The following KCNMB4 variants were observed in gnomAD, a reference collection of about 807,000 sequenced individuals.
KCNMB4 encodes potassium calcium-activated channel subfamily M regulatory beta subunit 4.
In KCNMB4, 3 loss-of-function variants were observed where a neutral mutation model predicts 20.7. That is an observed-to-expected ratio of 0.14 (90% CI 0.07 to 0.37). The LOEUF (loss-of-function observed/expected upper bound fraction) is 0.37, where lower values mean the gene tolerates loss of function less well. Ranked by LOEUF, KCNMB4 falls within the 10% of genes least tolerant of loss-of-function variation. The pLI, the probability that KCNMB4 is intolerant of heterozygous loss-of-function variation, is 1.00. For missense variants in KCNMB4, 168 were observed against 265.9 expected (o/e 0.63, Z 2.56); for synonymous variants, 110 against 113.4 (o/e 0.97, Z 0.19).
chr12:70,410,477 C>T (rs1162061723), intron 2 of KCNMB4, among the ~76,000 whole-genome samples: 1 of 152,186 alleles, frequency 6.6e-6, no homozygotes, highest in African/African-American at 2.4e-5. Context: ...AGTCATGTGA[C>T]ATCAAGCATC....
intron 1 of KCNMB4, among the ~76,000 whole-genome samples, chr12:70,385,037 C>T (rs1883864583): frequency 6.6e-6 from 1 of 151,950 alleles, no homozygotes; most frequent in Admixed American, 6.6e-5. Context: ...TATAATGTTC[C>T]AAGCAGATAT....
At chr12:70,422,962 T>A (rs1019849334) in intron 2 of KCNMB4, 1 of 495,246 alleles carries the variant, frequency 2.0e-6, no homozygotes. Flanking sequence ...CTGGGCTGCA[T>A]CTGAAGGGAC....
chr12:70,407,589 T>C (rs1593339992), intron 2 of KCNMB4, among the ~76,000 whole-genome samples: 1 of 143,646 alleles, frequency 7.0e-6, no homozygotes, highest in Admixed American at 7.2e-5. Context: ...TGCCTCAGCC[T>C]CCCGAGTAGC....
chr12:70,383,300 G>A (rs1883827147), intron 1 of KCNMB4, among the ~76,000 whole-genome samples: 1 of 152,008 alleles, frequency 6.6e-6, no homozygotes, highest in Non-Finnish European at 1.5e-5. Flanking sequence ...TAAAGCTAAG[G>A]GGAAAAAAGA....
intron 2 of KCNMB4, among the ~76,000 whole-genome samples, chr12:70,421,353 G>A (rs117086999): frequency 0.019 from 2,878 of 150,488 alleles, 45 homozygotes; most frequent in Non-Finnish European, 0.027. Context: ...TTAGCTGAGC[G>A]TGATGGTGGG....
chr12:70,416,555 TTTAA>T (rs1214941585), intron 2 of KCNMB4, among the ~76,000 whole-genome samples: 6 of 152,236 alleles, frequency 3.9e-5, no homozygotes, highest in Non-Finnish European at 5.9e-5. Flanking sequence ...AAGTCACCAC[TTTAA>T]TTGTTATGCA....
chr12:70,428,617 T>G (rs1391100188), intron 2 of KCNMB4, among the ~76,000 whole-genome samples: 1 of 152,182 alleles, frequency 6.6e-6, no homozygotes, highest in Non-Finnish European at 1.5e-5. Flanking sequence ...ACCTCAGCCT[T>G]GACTTTTTTA....
At chr12:70,393,652 A>G (rs1250679745) in intron 1 of KCNMB4, among the ~76,000 whole-genome samples, 4 of 152,230 alleles carry the variant, frequency 2.6e-5, no homozygotes, top group Non-Finnish European at 4.4e-5. Context: ...AAATCCAGAT[A>G]TCATATCAAC....
At chr12:70,423,743 G>A (rs1869132907) in intron 2 of KCNMB4, among the ~76,000 whole-genome samples, 1 of 152,120 alleles carries the variant, frequency 6.6e-6, no homozygotes, top group Admixed American at 6.5e-5. Context: ...CCAAAGTGCT[G>A]GGATTACAGG....
chr12:70,388,753 CT>C (rs1868277064), intron 1 of KCNMB4, among the ~76,000 whole-genome samples: 2 of 152,116 alleles, frequency 1.3e-5, no homozygotes, highest in South Asian at 4.1e-4. Flanking sequence ...AGCCTGTCTC[CT>C]TGGGTTATGA....
intron 1 of KCNMB4, among the ~76,000 whole-genome samples, chr12:70,389,400 T>A (rs552518021): frequency 3.6e-4 from 55 of 152,250 alleles, no homozygotes; most frequent in African/African-American, 1.3e-3. Flanking sequence ...TCATTCTTTT[T>A]AAAAATTTCT....
chr12:70,398,981 A>G (rs1868388366), intron 1 of KCNMB4, among the ~76,000 whole-genome samples: 1 of 152,190 alleles, frequency 6.6e-6, no homozygotes, highest in Admixed American at 6.5e-5. Context: ...AATAAAGGAG[A>G]TTTAGGAACA....
At chr12:70,413,264 G>A (rs895527387) in intron 2 of KCNMB4, among the ~76,000 whole-genome samples, 4 of 152,204 alleles carry the variant, frequency 2.6e-5, no homozygotes, top group Non-Finnish European at 5.9e-5. Flanking sequence ...TTTCATGCTT[G>A]CAAATTCATC....
chr12:70,405,022 G>A (rs181053329), intron 2 of KCNMB4, among the ~76,000 whole-genome samples: 366 of 152,294 alleles, frequency 2.4e-3, no homozygotes, highest in African/African-American at 8.4e-3. Flanking sequence ...GCCAGAGGGT[G>A]AAAGGAAAAT....
At chr12:70,367,145 G>T in intron 1 of KCNMB4, 75 bp downstream of exon 1, 14 of 1,240,984 alleles carry the variant, frequency 1.1e-5, no homozygotes, top group Non-Finnish European at 1.5e-5. Flanking sequence ...GACTCCGCGC[G>T]GGGAGGGTTC....
chr12:70,388,824 T>C (rs558794599), intron 1 of KCNMB4, among the ~76,000 whole-genome samples: 1 of 152,326 alleles, frequency 6.6e-6, no homozygotes, highest in South Asian at 2.1e-4. Flanking sequence ...TGGTAAGCCT[T>C]CAGTGAATGT....
intron 2 of KCNMB4, among the ~76,000 whole-genome samples, chr12:70,416,037 T>C (rs17108138): frequency 0.045 from 6,900 of 152,304 alleles, 532 homozygotes; most frequent in African/African-American, 0.16. Context: ...TAAACTTTTT[T>C]GTGCTTTAGA....
chr12:70,410,078 C>T (rs989507214), intron 2 of KCNMB4, among the ~76,000 whole-genome samples: 6 of 152,220 alleles, frequency 3.9e-5, no homozygotes, highest in Non-Finnish European at 7.3e-5. Flanking sequence ...GGGACACCTT[C>T]ACCTTTTTTA....
At chr12:70,425,277 A>T (rs796798509) in intron 2 of KCNMB4, among the ~76,000 whole-genome samples, 5 of 152,156 alleles carry the variant, frequency 3.3e-5, no homozygotes, top group African/African-American at 1.2e-4. Context: ...TCTACTAAAA[A>T]CACAAAAAAA....
Sources: allele counts gnomAD v4.1 joint callset (sites outside exome capture counted in the v4.1 genomes callset), GRCh38; gene constraint gnomAD v4.1.1; transcripts MANE v1.5; gene names NCBI Gene and HGNC (gene_info 2026-07-23, HGNC 2026-07-21).